Variants in COL5A2 observed in about 807,000 individuals in gnomAD.
COL5A2 encodes collagen type V alpha 2 chain.
In COL5A2, 23 loss-of-function variants were observed where a neutral mutation model predicts 208.2. The ratio of observed to expected loss-of-function variants is 0.11; its 90% CI spans 0.08 to 0.16. The LOEUF (loss-of-function observed/expected upper bound fraction) is 0.16, where lower values mean the gene tolerates loss of function less well. Among genes scored for constraint, COL5A2 ranks in the 10% least tolerant of loss-of-function variants. The probability of loss-of-function intolerance (pLI) is 1.00; values close to 1 mark genes in which losing one functional copy is unlikely to be tolerated. For missense variants in COL5A2, 1,590 were observed against 1,956.4 expected (o/e 0.81, Z 3.53); for synonymous variants, 625 against 628.5 (o/e 0.99, Z 0.08).
the COL5A2 span, among the ~76,000 whole-genome samples, chr2:189,337,776 G>C: frequency 6.7e-6 from 1 of 150,124 alleles, no homozygotes; most frequent in South Asian, 2.1e-4. Flanking sequence ...GTACCTTGCA[G>C]CCAACAGATC....
intron 1 of COL5A2, among the ~76,000 whole-genome samples, chr2:189,164,189 T>C (rs1688422692): frequency 6.6e-6 from 1 of 152,162 alleles, no homozygotes; most frequent in African/African-American, 2.4e-5. Context: ...AGGGATACCA[T>C]GCTACAAACA....
chr2:189,051,878 T>C (rs1685796744), intron 41 of COL5A2, among the ~76,000 whole-genome samples: 1 of 152,208 alleles, frequency 6.6e-6, no homozygotes, highest in African/African-American at 2.4e-5. Context: ...AGTTGCATCT[T>C]AACTGAAGAG....
chr2:189,367,790 T>C, the COL5A2 span, among the ~76,000 whole-genome samples: 4 of 152,356 alleles, frequency 2.6e-5, no homozygotes, highest in East Asian at 7.7e-4. Context: ...AGAATTCATA[T>C]TGCCTGCCAT....
chr2:189,058,521 G>T lies in COL5A2; in HGVS notation c.2137C>A (p.Arg713=). The change falls in exon 33 of 54, where the codon CGA becomes AGA. Residue 713 remains arginine (R), a synonymous_variant. Transcript: ENST00000374866. ...TCTCCTCTTTCCCCAGGATTTCCTC[G>T]TTCTCCCTAGCACAAAATTGGGATG... ...AVGPLGPRGE[R]GNPGERGEPG... 1 of 1,613,152 alleles carries T rather than the reference G, an allele frequency of 6.2e-7. No individual in the cohort carries two copies. The highest frequency in any genetic ancestry group is 1.1e-5 in the South Asian group (1 of 91,066).
intron 11 of COL5A2, 39 bp downstream of exon 11, chr2:189,085,121 C>T: frequency 6.3e-7 from 1 of 1,575,360 alleles, no homozygotes; most frequent in Non-Finnish European, 8.7e-7. Flanking sequence ...CCCTTCGCCT[C>T]TTCAAAACCT....
intron 1 of COL5A2, among the ~76,000 whole-genome samples, chr2:189,222,722 G>A (rs1689363284): frequency 6.6e-6 from 1 of 152,144 alleles, no homozygotes; most frequent in African/African-American, 2.4e-5. Flanking sequence ...AGGCAAACCT[G>A]CCTGCTTTCC....
intron 1 of COL5A2, among the ~76,000 whole-genome samples, chr2:189,208,115 T>A (rs775981964): frequency 6.6e-6 from 1 of 152,124 alleles, no homozygotes; most frequent in Non-Finnish European, 1.5e-5. Flanking sequence ...TCTTAAATGT[T>A]CAAAGGGATA....
chr2:189,110,360 C>T lies in COL5A2; in HGVS notation c.187G>A (p.Val63Ile), dbSNP rs767590090. 6.2e-7 allele frequency: 1 copy of T among 1,614,126 alleles called. No individual in the cohort carries two copies. The highest frequency in any genetic ancestry group is 8.5e-7 in the Non-Finnish European group (1 of 1,180,018). Residue 63 changes from valine (V) to isoleucine (I), a missense_variant, in exon 2 of 54, where the codon GTC becomes ATC. Transcript: ENST00000374866. ...IWKPAPCQIC[V>I]CDNGAILCDK... Reference sequence around the variant, plus strand: ...CAGAGAATGGCTCCATTGTCACAGACACAGATCTGACAAGGGGCAGGTTTC... The same window carrying T: ...CAGAGAATGGCTCCATTGTCACAGATACAGATCTGACAAGGGGCAGGTTTC...
At chr2:189,371,746 T>C in the COL5A2 span, among the ~76,000 whole-genome samples, 1 of 152,186 alleles carries the variant, frequency 6.6e-6, no homozygotes, top group East Asian at 1.9e-4. Context: ...AGCAAAGAAG[T>C]GACTTATAGT....
the COL5A2 span, among the ~76,000 whole-genome samples, chr2:189,319,478 T>A: frequency 6.6e-6 from 1 of 152,232 alleles, no homozygotes; most frequent in Non-Finnish European, 1.5e-5. Context: ...AATACTGCGC[T>A]TTTCCAATGG....
chr2:189,063,418 G>A, intron 26 of COL5A2, 148 bp from the exon 27 acceptor site: 1 of 714,796 alleles, frequency 1.4e-6, no homozygotes, highest in South Asian at 1.6e-5. Flanking sequence ...CAGTTGAATG[G>A]GTTTTTTAAA....
rs1409184010 is a variant in COL5A2, at chr2:189,069,042, G to A, written c.1159-158C>T. On this transcript the variant is annotated intron_variant, in intron 18 of 53. Transcript: ENST00000374866. Reference sequence around the variant, plus strand: ...GCGTGCCCAACCAAGCTTAAGGAGCGCACTCACTTTCCCACTTCCTTCTTA... The same window carrying A: ...GCGTGCCCAACCAAGCTTAAGGAGCACACTCACTTTCCCACTTCCTTCTTA... Among the ~76,000 whole-genome samples the A allele has an allele frequency of 5.9e-5, 9 of 152,282 alleles. No individual in the cohort carries two copies. The South Asian group carries it at 1.5e-3, about 25-fold the overall frequency.
intron 1 of COL5A2, among the ~76,000 whole-genome samples, chr2:189,191,159 C>CCAAAAAAAAAAAAAAAAAAAAAAAAA (rs1688919980): frequency 1.0e-4 from 2 of 19,070 alleles, no homozygotes; most frequent in Non-Finnish European, 3.0e-4. Context: ...AAACAAAAAA[C>CCAAAAAAAAAAAAAAAAAAAAAAAAA]AAACAAACAA....
the COL5A2 span, among the ~76,000 whole-genome samples, chr2:189,430,677 C>T: frequency 1.0e-5 from 1 of 99,082 alleles, no homozygotes; most frequent in African/African-American, 3.3e-5. Context: ...AACAAAGCAG[C>T]CAGAAAGCTT....
chr2:189,183,398 T>C (rs1688807404), upstream of COL5A2, among the ~76,000 whole-genome samples: 1 of 152,204 alleles, frequency 6.6e-6, no homozygotes, highest in Admixed American at 6.5e-5. Flanking sequence ...GCCCATTGAC[T>C]TGGGGTATAT....
intron 1 of COL5A2, among the ~76,000 whole-genome samples, chr2:189,137,892 G>C (rs924194433): frequency 6.6e-6 from 1 of 152,192 alleles, no homozygotes; most frequent in Non-Finnish European, 1.5e-5. Context: ...TGATGTTAAT[G>C]ATGTAATTCT....
chr2:189,194,209 G>A (rs1024974104), intron 1 of COL5A2, among the ~76,000 whole-genome samples: 25 of 152,040 alleles, frequency 1.6e-4, no homozygotes, highest in Middle Eastern at 3.2e-3. Flanking sequence ...GACAAATACT[G>A]CTCTACACTA....
chr2:189,251,831 GAA>G, the COL5A2 span, among the ~76,000 whole-genome samples: 1 of 151,994 alleles, frequency 6.6e-6, no homozygotes, highest in African/African-American at 2.4e-5. Context: ...CCAATCTAAA[GAA>G]TGGGAGAAAA....
At chr2:189,191,010 C>T (rs1309716215) in intron 1 of COL5A2, among the ~76,000 whole-genome samples, 1 of 151,500 alleles carries the variant, frequency 6.6e-6, no homozygotes, top group African/African-American at 2.4e-5. Context: ...AGGAGAACAG[C>T]GTATGATAAA....
Sources: gnomAD v4.1 joint callset for allele counts (sites outside exome capture counted in the v4.1 genomes callset) on GRCh38, gnomAD v4.1.1 for gene constraint, MANE v1.5 for transcripts, NCBI Gene and HGNC (gene_info 2026-07-23, HGNC 2026-07-21) for gene names.